The following TTN variants were observed in gnomAD, a reference collection of about 807,000 sequenced individuals.
TTN encodes titin.
A neutral mutation model predicts 3,223.0 loss-of-function variants in TTN; 1,525 were observed. The ratio of observed to expected loss-of-function variants is 0.47; its 90% CI spans 0.45 to 0.49. The LOEUF (loss-of-function observed/expected upper bound fraction) is 0.49. Ranked by LOEUF, TTN falls within the 20% of genes least tolerant of loss-of-function variation. The pLI, the probability that TTN is intolerant of heterozygous loss-of-function variation, is 0.00. For missense variants in TTN, 40,786 were observed against 43,424.0 expected (o/e 0.94, Z 5.40); for synonymous variants, 14,094 against 15,161.0 (o/e 0.93, Z 5.17).
In TTN at chr2:178,777,317, G is replaced by A; in HGVS notation, c.4646C>T (p.Ala1549Val). The A allele has an allele frequency of 1.2e-6, 2 of 1,613,726 alleles. No homozygotes were observed. The highest frequency in any genetic ancestry group is 8.5e-7 in the Non-Finnish European group (1 of 1,179,930). The change falls in exon 27 of 363, where the codon GCT (alanine) becomes GTT (valine). Residue 1549 changes from alanine to valine, a missense_variant and splice_region_variant. Physicochemically the swap from Ala to Val is moderately conservative, Grantham distance 64. Coordinates refer to ENST00000589042, the MANE Select transcript of TTN (RefSeq NM_001267550.2). ...SSISVILTVE[A>V]VEHQVKPMFV... is the part of the protein sequence containing the mutation. ...CATCGGTTTTACCTGATGTTCCACA[G>A]CTGAAAGAGAAAGGTCATGATTTAG...
At position 178,616,965 on chromosome 2, in the gene TTN, A is replaced by G. The variant is rs755834931; in HGVS notation, c.47924T>C (p.Ile15975Thr). 4 of 1,612,590 alleles carry G rather than the reference A, an allele frequency of 2.5e-6. No homozygotes were observed. The highest frequency in any genetic ancestry group is 3.3e-5 in the Admixed American group (2 of 59,922). ...CAGGATCGTGATAGGATTTGGGACA[A>G]TAACTTCCAGACCATCTTTAAATGC... ...LSAFKDGLEV[I>T]VPNPITILVP... Residue 15975 changes from isoleucine (I) to threonine (T), a missense_variant, in exon 256 of 363, where the codon ATT becomes ACT. Transcript: ENST00000589042.
In TTN at chr2:178,560,542, T is replaced by C; in HGVS notation, c.85590A>G (p.Lys28530=). The change falls in exon 326 of 363, where the codon AAA becomes AAG. Residue 28530 remains lysine (K), a synonymous_variant. Coordinates refer to ENST00000589042, the MANE Select transcript of TTN (RefSeq NM_001267550.2). ...TCTCTAGGGGCTCACCAACACCATA[T>C]TTATTAACACCAGTTACTCTAAATA... ...EYIFRVTGVN[K]YGVGEPLESV... 1 of 1,613,322 alleles carries C rather than the reference T, an allele frequency of 6.2e-7. No individual in the cohort carries two copies. Among genetic ancestry groups the C allele is most frequent in the South Asian group, 1.1e-5 (1 of 91,054 alleles).
intron 111 of TTN, 27 bp downstream of exon 111, chr2:178,701,093 G>A: frequency 4.4e-6 from 7 of 1,599,670 alleles, no homozygotes; most frequent in Non-Finnish European, 5.1e-6. Flanking sequence ...TTCTTATTTC[G>A]ACATCTAGGT....
At chr2:178,721,603 C>T in intron 78 of TTN, among the ~76,000 whole-genome samples, 1 of 151,880 alleles carries the variant, frequency 6.6e-6, no homozygotes, top group East Asian at 1.9e-4. Context: ...ATAGTTAAAA[C>T]AACATTTAAC....
chr2:178,590,904 G>A lies in TTN; in HGVS notation c.60821C>T (p.Pro20274Leu), dbSNP rs72646845. ...VAKHKFSPPS[P>L]PGKPVVTDIT... is the part of the protein sequence containing the mutation. ...GTCAGTAACCACTGGTTTACCAGGAGGAGACGGAGGACTAAATTTATGCTT... is the reference window on the plus strand; with the variant it reads ...GTCAGTAACCACTGGTTTACCAGGAAGAGACGGAGGACTAAATTTATGCTT... The change falls in exon 304 of 363, where the codon CCT becomes CTT. Residue 20274 changes from proline (P) to leucine (L), a missense_variant. Physicochemically the swap from Pro to Leu is moderately conservative, Grantham distance 98. Coordinates refer to ENST00000589042, the MANE Select transcript of TTN (RefSeq NM_001267550.2). 3,278 of 1,612,270 alleles carry A rather than the reference G, an allele frequency of 2.0e-3. 42 individuals are homozygous for A. The highest frequency in any genetic ancestry group is 0.017 in the South Asian group (1,531 of 91,010).
In TTN at chr2:178,566,241, C is replaced by T. The variant is rs1705788431; in HGVS notation, c.79891G>A (p.Gly26631Ser). The change falls in exon 326 of 363, where the codon GGT becomes AGT. Residue 26631 changes from glycine (G) to serine (S), a missense_variant. Physicochemically the swap from Gly to Ser is moderately conservative, Grantham distance 56 (BLOSUM62 0). Coordinates refer to ENST00000589042, the MANE Select transcript of TTN (RefSeq NM_001267550.2). ...ATTTGGACCTTATCTGTGAATTCAC[C>T]TTCCTCTCGAGACCAAGTGATCTCA... ...TPEITWSREE[G>S]EFTDKVQIEK... 1.2e-6 allele frequency: 2 copies of T among 1,613,564 alleles called. No homozygotes were observed. Among genetic ancestry groups the T allele is most frequent in the Non-Finnish European group, 8.5e-7 (1 of 1,179,706 alleles).
intron 213 of TTN, 21 bp downstream of exon 213, chr2:178,649,226 AT>A: frequency 6.7e-7 from 1 of 1,482,994 alleles, no homozygotes; most frequent in Non-Finnish European, 9.0e-7. Context: ...AGAGAAATCT[AT>A]TTTTTCTTCA....
Position 178,583,733 on chromosome 2 carries a change from C to T in TTN, c.65449G>A (p.Glu21817Lys), listed in dbSNP as rs751947173. 2.5e-6 allele frequency: 4 copies of T among 1,612,184 alleles called. No individual in the cohort carries two copies. The highest frequency in any genetic ancestry group is 3.3e-5 in the Admixed American group (2 of 59,872). ...TCTAGGCCAGTAGCTGTGTACTCTTCCTGGGGAATCTGGTGAGGTGCAGTA... is the reference window on the plus strand; with the variant it reads ...TCTAGGCCAGTAGCTGTGTACTCTTTCTGGGGAATCTGGTGAGGTGCAGTA... ...CNTAPHQIPQ[E>K]EYTATGLEEK... The change falls in exon 312 of 363, where the codon GAA becomes AAA. Residue 21817 changes from glutamate to lysine, a missense_variant. Coordinates refer to ENST00000589042, the MANE Select transcript of TTN (RefSeq NM_001267550.2).
Position 178,587,943 on chromosome 2 carries a change from C to A in TTN, c.63464G>T (p.Arg21155Leu). 6.2e-7 allele frequency: 1 copy of A among 1,607,546 alleles called. No individual in the cohort carries two copies. Among genetic ancestry groups the A allele is most frequent in the South Asian group, 1.1e-5 (1 of 90,382 alleles). ...VCAQNQVGIGRPAELKEAIKP... is the reference protein window; with the variant it reads ...VCAQNQVGIGLPAELKEAIKP... The stretch of plus-strand genomic sequence containing the variant: ...GATAGCTTCCTTTAGCTCTGCAGGG[C>A]GCCCAATACCAACTTGGTTTTGGGC... The change falls in exon 305 of 363, where the codon CGC becomes CTC. Residue 21155 changes from arginine to leucine, a missense_variant. Coordinates refer to ENST00000589042, the MANE Select transcript of TTN (RefSeq NM_001267550.2).
In TTN at chr2:178,769,678, C is replaced by T. The variant is rs770392096; in HGVS notation, c.8902+1G>A. On this transcript the variant is annotated splice_donor_variant, in intron 37 of 362. Coordinates refer to ENST00000589042, the MANE Select transcript of TTN (RefSeq NM_001267550.2). LOFTEE classifies it high-confidence loss of function. ...ATATATATATATATTTTTTAACTTA[C>T]GGGTGACTGTCAGGGTGGCACTGAC... is the stretch of plus-strand genomic sequence containing the variant. 33 of 1,611,592 alleles carry T rather than the reference C, an allele frequency of 2.0e-5. 2 individuals carry two copies. Among genetic ancestry groups the T allele is most frequent in the East Asian group, 6.7e-5 (3 of 44,814 alleles).
rs2154177362 is a variant in TTN, at chr2:178,581,492, T to C, written c.66769+7A>G. The C allele has an allele frequency of 2.5e-6, 4 of 1,579,078 alleles. No individual in the cohort carries two copies. Among genetic ancestry groups the C allele is most frequent in the Non-Finnish European group, 3.4e-6 (4 of 1,159,444 alleles). On this transcript the variant is annotated splice_region_variant and intron_variant, in intron 316 of 362. Coordinates refer to ENST00000589042, the MANE Select transcript of TTN (RefSeq NM_001267550.2). ...AAGCCTTATGTACTCCCCCTGGTAA[T>C]ACTTACTTAAGATGTCCTTGGGATA...
rs750807748 is a variant in TTN at position 178,631,153 on chromosome 2, A to G, written c.43895T>C (p.Val14632Ala). The G allele has an allele frequency of 1.2e-6, 2 of 1,613,360 alleles. No individual in the cohort carries two copies. Among genetic ancestry groups the G allele is most frequent in the Non-Finnish European group, 1.7e-6 (2 of 1,179,596 alleles). Residue 14632 changes from valine (V) to alanine (A), a missense_variant, in exon 237 of 363, where the codon GTT becomes GCT. Val to Ala is a moderately conservative substitution (Grantham distance 64, BLOSUM62 0). Transcript: ENST00000589042. The part of the protein sequence containing the change: ...GKEIKPSKNA[V>A]IKADGKKRML... ...GCGTTTCTTGCCATCTGCCTTAATA[A>G]CAGCATTTTTGGATGGCTTTATTTC...
At chr2:178,668,083 G>A (rs1413256380) in intron 159 of TTN, among the ~76,000 whole-genome samples, 5 of 152,192 alleles carry the variant, frequency 3.3e-5, no homozygotes, top group East Asian at 1.9e-4. Context: ...AGAATTCTCC[G>A]ATATTTGACC....
At chr2:178,779,562 G>C in intron 22 of TTN, 100 bp from the exon 23 acceptor site, 1 of 824,458 alleles carries the variant, frequency 1.2e-6, no homozygotes, top group Non-Finnish European at 1.9e-6. Context: ...TTTTTAGCTG[G>C]GAGAAGAATC....
chr2:178,735,111 TA>T (rs1263413953), intron 50 of TTN, 123 bp from the exon 51 acceptor site: 9 of 1,143,350 alleles, frequency 7.9e-6, no homozygotes, highest in Non-Finnish European at 1.1e-5. Flanking sequence ...AAAATTTCTG[TA>T]AAAGCTGTGG....
At chr2:178,599,508 A>G (rs776929931) in intron 289 of TTN, 46 bp downstream of exon 289, 1 of 1,519,910 alleles carries the variant, frequency 6.6e-7, no homozygotes, top group Non-Finnish European at 8.8e-7. Flanking sequence ...AATGTTATTT[A>G]TGAACAGAAA....
Position 178,717,740 on chromosome 2 carries a change from T to C in TTN, c.25134A>G (p.Ala8378=), listed in dbSNP as rs371819104. The change falls in exon 87 of 363, where the codon GCA becomes GCG. Residue 8378 remains alanine (A), a synonymous_variant. Transcript: ENST00000589042. ...CTGAGCCATTGATGCGGCATTCAAATGCAACTGGGAAGCCTAGAGTCTCAT... is the reference window on the plus strand; with the variant it reads ...CTGAGCCATTGATGCGGCATTCAAACGCAACTGGGAAGCCTAGAGTCTCAT... ...DVHETLGFPV[A]FECRINGSEP... The C allele has an allele frequency of 2.0e-4, 330 of 1,613,300 alleles. No homozygotes were observed. The African/African-American group carries it at 4.0e-3, about 19-fold the overall frequency.
intron 12 of TTN, 143 bp from the exon 13 acceptor site, chr2:178,789,640 C>G (rs1355825131): frequency 8.8e-7 from 1 of 1,134,622 alleles, no homozygotes; most frequent in Non-Finnish European, 1.3e-6. Context: ...CCGGCAATGT[C>G]TACATATACT....
In TTN at chr2:178,547,878, T is replaced by C. The variant is rs1559163775; in HGVS notation, c.93748A>G (p.Lys31250Glu). Residue 31250 changes from lysine to glutamate, a missense_variant, in exon 339 of 363, where the codon AAA becomes GAA. Physicochemically the swap from Lys to Glu is moderately conservative, Grantham distance 56 (BLOSUM62 1). Transcript: ENST00000589042. ...TCTTTAAGTCTCATTTCTTCCAGTT[T>C]CCATGTTACTTTGGGGGCAGGACGA... is the stretch of plus-strand genomic sequence containing the variant. ...SGRPAPKVTW[K>E]LEEMRLKETD... is the part of the protein sequence containing the mutation. 2 of 1,613,904 alleles carry C rather than the reference T, an allele frequency of 1.2e-6. No individual in the cohort carries two copies. The highest frequency in any genetic ancestry group is 2.2e-5 in the East Asian group (1 of 44,850).
Sources: allele counts gnomAD v4.1 joint callset (sites outside exome capture counted in the v4.1 genomes callset), GRCh38; gene constraint gnomAD v4.1.1; transcripts MANE v1.5; gene names NCBI Gene and HGNC (gene_info 2026-07-23, HGNC 2026-07-21).